Variants in GOLM2 observed in about 807,000 individuals in gnomAD.
GOLM2 encodes protein GOLM2.
GOLM2 carries 26 observed loss-of-function variants against 55.9 expected under a neutral mutation model. The ratio of observed to expected loss-of-function variants is 0.47; its 90% CI spans 0.34 to 0.65. The LOEUF (loss-of-function observed/expected upper bound fraction) is 0.65, where lower values mean the gene tolerates loss of function less well. GOLM2 is among the 30% of genes least tolerant of loss of function. GOLM2 has a pLI of 0.01. For synonymous variants in GOLM2, 165 were observed against 194.6 expected (o/e 0.85, Z 1.27); for missense variants, 486 against 531.8 (o/e 0.91, Z 0.85).
At chr15:44,347,371 A>G (rs1235874498) in intron 6 of GOLM2, among the ~76,000 whole-genome samples, 1 of 152,200 alleles carries the variant, frequency 6.6e-6, no homozygotes, top group African/African-American at 2.4e-5. Context: ...CAACCCCTGC[A>G]GTGGCCTTGT....
chr15:44,294,683 C>T (rs1244648873), intron 1 of GOLM2, among the ~76,000 whole-genome samples: 1 of 144,206 alleles, frequency 6.9e-6, no homozygotes, highest in Non-Finnish European at 1.5e-5. Context: ...CATTGCACTC[C>T]AGCCTGGAGG....
intron 1 of GOLM2, among the ~76,000 whole-genome samples, chr15:44,290,862 C>T (rs982764261): frequency 2.6e-5 from 4 of 152,118 alleles, no homozygotes; most frequent in East Asian, 1.9e-4. Flanking sequence ...AGTGCAATGG[C>T]GTGATCTCAG....
At chr15:44,317,798 A>G (rs1328963876) in intron 1 of GOLM2, among the ~76,000 whole-genome samples, 3 of 152,210 alleles carry the variant, frequency 2.0e-5, no homozygotes, top group Non-Finnish European at 4.4e-5. Flanking sequence ...CCTGACCCCA[A>G]GTCTGTTCCT....
At chr15:44,343,577 G>A (rs1464665063) in intron 6 of GOLM2, among the ~76,000 whole-genome samples, 1 of 151,976 alleles carries the variant, frequency 6.6e-6, no homozygotes, top group Non-Finnish European at 1.5e-5. Flanking sequence ...TGTAATCCCA[G>A]CACTTTAGGA....
chr15:44,378,553 T>G (rs1260544931), intron 6 of GOLM2, among the ~76,000 whole-genome samples: 3 of 149,234 alleles, frequency 2.0e-5, no homozygotes, highest in African/African-American at 4.9e-5. Flanking sequence ...GAGATGGGGT[T>G]TCACCTTGTT....
intron 1 of GOLM2, among the ~76,000 whole-genome samples, chr15:44,300,263 GAGGA>G (rs999150164): frequency 6.6e-5 from 10 of 151,296 alleles, no homozygotes; most frequent in African/African-American, 2.4e-4. Context: ...AGAAGGGAGG[GAGGA>G]AGGAAGGAAG....
intron 6 of GOLM2, among the ~76,000 whole-genome samples, chr15:44,369,536 G>A (rs183513423): frequency 9.2e-5 from 14 of 152,010 alleles, no homozygotes; most frequent in Admixed American, 2.0e-4. Flanking sequence ...GTTTAAAACA[G>A]TTCTTGGCAG....
chr15:44,294,019 A>AT (rs201514226), intron 1 of GOLM2, among the ~76,000 whole-genome samples: 2,469 of 152,158 alleles, frequency 0.016, 26 homozygotes, highest in Non-Finnish European at 0.024. Context: ...ATATTAGTTT[A>AT]TTTTTTTGTT....
At chr15:44,377,397 T>C (rs915816974) in intron 6 of GOLM2, among the ~76,000 whole-genome samples, 3 of 152,086 alleles carry the variant, frequency 2.0e-5, no homozygotes, top group African/African-American at 4.8e-5. Flanking sequence ...AAAATAATCC[T>C]TGTGACTCTG....
chr15:44,340,558 G>A (rs915961931), intron 6 of GOLM2, among the ~76,000 whole-genome samples: 11 of 151,772 alleles, frequency 7.2e-5, no homozygotes, highest in Admixed American at 6.6e-4. Context: ...GTGCCTAGCT[G>A]TAATTCGGTG....
intron 6 of GOLM2, among the ~76,000 whole-genome samples, chr15:44,370,324 A>G (rs1166876268): frequency 6.6e-6 from 1 of 152,210 alleles, no homozygotes; most frequent in Admixed American, 6.5e-5. Context: ...TTGCTTCATT[A>G]GAGCAAGTTA....
intron 6 of GOLM2, among the ~76,000 whole-genome samples, chr15:44,360,529 A>G (rs947646190): frequency 6.6e-6 from 1 of 152,230 alleles, no homozygotes; most frequent in African/African-American, 2.4e-5. Flanking sequence ...TGCACCCAGT[A>G]CAGGAGCACC....
chr15:44,299,689 T>G (rs966397857), intron 1 of GOLM2, among the ~76,000 whole-genome samples: 1 of 152,104 alleles, frequency 6.6e-6, no homozygotes, highest in African/African-American at 2.4e-5. Context: ...TAAGCCTGTT[T>G]CTTCACTCAT....
chr15:44,308,404 CTTTA>C (rs2078852808), intron 1 of GOLM2: 1 of 152,160 alleles, frequency 6.6e-6, no homozygotes, highest in Non-Finnish European at 1.5e-5. Flanking sequence ...CTTCATTCCT[CTTTA>C]TGGCTGATAA....
chr15:44,318,401 T>A (rs1017817121), intron 1 of GOLM2, among the ~76,000 whole-genome samples: 19 of 152,208 alleles, frequency 1.2e-4, no homozygotes, highest in African/African-American at 4.3e-4. Flanking sequence ...TGCAGCCAGA[T>A]TGACTTTTTA....
chr15:44,359,413 C>G (rs1003607837), intron 6 of GOLM2, among the ~76,000 whole-genome samples: 40 of 151,960 alleles, frequency 2.6e-4, no homozygotes, highest in African/African-American at 8.9e-4. Context: ...CAGTGAAACC[C>G]CGTCTCTACT....
At chr15:44,300,953 T>G (rs1460457211) in intron 1 of GOLM2, among the ~76,000 whole-genome samples, 1 of 152,232 alleles carries the variant, frequency 6.6e-6, no homozygotes, top group Non-Finnish European at 1.5e-5. Flanking sequence ...CTCAGATGCT[T>G]TTAATGTCTG....
intron 1 of GOLM2, among the ~76,000 whole-genome samples, chr15:44,291,355 G>A (rs1555420084): frequency 1.3e-5 from 2 of 151,682 alleles, no homozygotes; most frequent in Non-Finnish European, 2.9e-5. Flanking sequence ...CTCAGTAAAG[G>A]AAAAAAAATC....
intron 8 of GOLM2, among the ~76,000 whole-genome samples, chr15:44,388,486 C>A (rs1449979611): frequency 1.3e-5 from 2 of 152,108 alleles, no homozygotes; most frequent in Non-Finnish European, 2.9e-5. Flanking sequence ...CCAGCCTAGG[C>A]AACATGGTGA....
Sources: allele counts gnomAD v4.1 joint callset (sites outside exome capture counted in the v4.1 genomes callset), GRCh38; gene constraint gnomAD v4.1.1; transcripts MANE v1.5; gene names NCBI Gene and HGNC (gene_info 2026-07-23, HGNC 2026-07-21).